KIAA1671: variants seen among roughly 807,000 people sequenced by gnomAD.
The protein encoded by KIAA1671 is uncharacterized protein KIAA1671.
A neutral mutation model predicts 131.2 loss-of-function variants in KIAA1671; 52 were observed. The ratio of observed to expected loss-of-function variants is 0.40; its 90% confidence interval spans 0.32 to 0.50. KIAA1671 has a LOEUF of 0.50. Ranked by LOEUF, KIAA1671 falls within the 20% of genes least tolerant of loss-of-function variation. The pLI is 0.73. For missense variants in KIAA1671, 2,360 were observed against 2,364.2 expected (o/e 1.00, Z 0.04); for synonymous variants, 1,003 against 961.6 (o/e 1.04, Z -0.80).
chr22:24,966,354 G>A (rs1047100259), intron 1 of KIAA1671, among the ~76,000 whole-genome samples: 1 of 152,206 alleles, frequency 6.6e-6, no homozygotes, highest in Admixed American at 6.5e-5. Flanking sequence ...TGCATTGGGT[G>A]CACCGAGGTC....
At position 25,112,025 on chromosome 22, in the gene KIAA1671, G is replaced by C. The variant is rs931702857; in HGVS notation, c.4531-58795G>C. Reference sequence around the variant, plus strand: ...AGGGATGTTTACTTACCCTTGGTTTGCCTGAAGAAAGCTGCTGTTTTTAAT... The same window carrying C: ...AGGGATGTTTACTTACCCTTGGTTTCCCTGAAGAAAGCTGCTGTTTTTAAT... On this transcript the variant is annotated intron_variant, in intron 6 of 12. Coordinates refer to ENST00000358431, the MANE Select transcript of KIAA1671 (RefSeq NM_001145206.2). The C allele has an allele frequency of 1.1e-4, 44 of 394,170 alleles. No homozygotes were observed. In the East Asian group the frequency reaches 1.5e-3, roughly 14 times the overall value. 24.4% of individuals were successfully genotyped at this position (394,170 alleles called of 1,614,324 possible).
intron 6 of KIAA1671, 60 bp from the exon 7 acceptor site, chr22:25,170,760 G>A (rs1028974370): frequency 2.5e-5 from 37 of 1,494,320 alleles, no homozygotes; most frequent in African/African-American, 5.6e-5. Flanking sequence ...TGTGTCAGCC[G>A]GGACGGGGGT....
intron 6 of KIAA1671, among the ~76,000 whole-genome samples, chr22:25,170,352 G>A (rs1391919665): frequency 6.6e-6 from 1 of 152,232 alleles, no homozygotes; most frequent in African/African-American, 2.4e-5. Flanking sequence ...CCTGTCCCAA[G>A]TTCGGTGCTC....
intron 1 of KIAA1671, among the ~76,000 whole-genome samples, chr22:24,988,769 T>C (rs1009834891): frequency 6.7e-6 from 1 of 148,556 alleles, no homozygotes; most frequent in Non-Finnish European, 1.5e-5. Context: ...GTTTGGGTGG[T>C]TTATCTCATC....
Position 25,122,132 on chromosome 22 carries a change from C to T in KIAA1671, c.4531-48688C>T, listed in dbSNP as rs141323274. ...ACAATTGCAGTATGTGGAACTGCAG[C>T]ACAACGCTTGGTGCATAATAGTGAG... On this transcript the variant is annotated intron_variant, in intron 6 of 12. Transcript: ENST00000358431. Among the ~76,000 whole-genome samples, 145 of 152,276 alleles carry T rather than the reference C, an allele frequency of 9.5e-4. No homozygotes were observed. In the East Asian group the frequency reaches 0.026, roughly 28 times the overall value.
chr22:25,098,495 T>C (rs1930497182), intron 6 of KIAA1671, among the ~76,000 whole-genome samples: 2 of 152,004 alleles, frequency 1.3e-5, no homozygotes, highest in Non-Finnish European at 2.9e-5. Context: ...TAATTGTAAT[T>C]ATTAAAGTGT....
Position 24,993,926 on chromosome 22 carries a change from A to G in KIAA1671, c.-207-31707A>G. Among the ~76,000 whole-genome samples the G allele has an allele frequency of 1.3e-5, 2 of 151,944 alleles. 1 individual carries two copies. Among genetic ancestry groups the G allele is most frequent in the East Asian group, 3.9e-4 (2 of 5,170 alleles). On this transcript the variant is annotated intron_variant, in intron 1 of 12. Coordinates refer to ENST00000358431, the MANE Select transcript of KIAA1671 (RefSeq NM_001145206.2). The stretch of plus-strand genomic sequence containing the variant: ...AAACCCTGTCTCTGCTACAAATACA[A>G]AAAAATTAGCCGGGCATGGTAGAGG...
chr22:25,025,589 T>A (rs1925906469), intron 1 of KIAA1671, 44 bp from the exon 2 acceptor site: 1 of 152,264 alleles, frequency 6.6e-6, no homozygotes, highest in African/African-American at 2.4e-5. Flanking sequence ...GTTCCCATAC[T>A]GCCAGAACTC....
intron 1 of KIAA1671, among the ~76,000 whole-genome samples, chr22:25,008,194 T>C (rs1924850281): frequency 2.4e-5 from 1 of 41,478 alleles, no homozygotes. Flanking sequence ...TGAGACTCCG[T>C]CGCAAAAAAA....
At chr22:25,135,461 C>T (rs1225773090) in intron 6 of KIAA1671, among the ~76,000 whole-genome samples, 1 of 152,200 alleles carries the variant, frequency 6.6e-6, no homozygotes, top group Non-Finnish European at 1.5e-5. Flanking sequence ...GCTGGGATTA[C>T]AGGCATGAGC....
At chr22:25,131,373 C>A (rs1042898776) in intron 6 of KIAA1671, among the ~76,000 whole-genome samples, 1 of 152,224 alleles carries the variant, frequency 6.6e-6, no homozygotes, top group African/African-American at 2.4e-5. Context: ...ACCTCTTCAG[C>A]TCACAGGTAG....
chr22:25,015,906 C>G (rs982364366), intron 1 of KIAA1671, among the ~76,000 whole-genome samples: 1 of 152,196 alleles, frequency 6.6e-6, no homozygotes, highest in African/African-American at 2.4e-5. Flanking sequence ...AGTACACACT[C>G]CGTACGAAAA....
At position 25,172,776 on chromosome 22, in the gene KIAA1671, A is replaced by G. The variant is rs375188475; in HGVS notation, c.4650-1464A>G. On this transcript the variant is annotated intron_variant, in intron 7 of 12. Transcript: ENST00000358431. ...AAGTGATACCTGATTATATTATCAT[A>G]GGAAGAGATTTCAGAAGTAGGAGAG... Among the ~76,000 whole-genome samples, 214 of 152,340 alleles carry G rather than the reference A, an allele frequency of 1.4e-3. 1 individual carries two copies. Among genetic ancestry groups the G allele is most frequent in the Middle Eastern group, 6.8e-3 (2 of 294 alleles).
rs564423244 is a variant in KIAA1671 at position 25,163,107 on chromosome 22, C to T, written c.4531-7713C>T. Among the ~76,000 whole-genome samples, 10 of 152,102 alleles carry T rather than the reference C, an allele frequency of 6.6e-5. No individual in the cohort carries two copies. In the South Asian group the frequency reaches 1.0e-3, roughly 16 times the overall value. ...CTTTGGGAGGCAGAGGCAGGTAGAT[C>T]GCTTGAGCCCAGGAATTCAAGACCA... On this transcript the variant is annotated intron_variant, in intron 6 of 12. Coordinates refer to ENST00000358431, the MANE Select transcript of KIAA1671 (RefSeq NM_001145206.2).
At chr22:25,064,787 A>C (rs1053814786) in intron 6 of KIAA1671, 1 of 152,274 alleles carries the variant, frequency 6.6e-6, no homozygotes, top group African/African-American at 2.4e-5. Flanking sequence ...CATTGTGAGC[A>C]AGACTGGTGC....
At position 25,041,097 on chromosome 22, in the gene KIAA1671, G is replaced by A. The variant is rs1926900738; in HGVS notation, c.3967G>A (p.Gly1323Arg). 1.3e-6 allele frequency: 2 copies of A among 1,544,276 alleles called. No homozygotes were observed. The highest frequency in any genetic ancestry group is 2.0e-5 in the Admixed American group (1 of 50,012). Residue 1323 changes from glycine (G) to arginine (R), a missense_variant, in exon 5 of 13, where the codon GGG becomes AGG. Transcript: ENST00000358431. ...ACCTGCGGATCCCAGGAAAAAAACG[G>A]GGTTTGCTGAGGATGACAGAAAGGC... Reference protein sequence around the residue: ...PIPADPRKKTGFAEDDRKAFA... With the variant: ...PIPADPRKKTRFAEDDRKAFA...
At position 25,109,794 on chromosome 22, in the gene KIAA1671, C is replaced by T. The variant is rs148736103; in HGVS notation, c.4530+60430C>T. On this transcript the variant is annotated intron_variant, in intron 6 of 12. Coordinates refer to ENST00000358431, the MANE Select transcript of KIAA1671 (RefSeq NM_001145206.2). ...GCAGTGCCTGGCTCAGAGTAGGCAC[C>T]CTCTGAATCTTTATTAAATGAATGA... Among the ~76,000 whole-genome samples the T allele has an allele frequency of 1.2e-4, 18 of 152,210 alleles. No homozygotes were observed. In the East Asian group the frequency reaches 2.7e-3, roughly 23 times the overall value.
chr22:25,108,118 TC>T (rs1256931502), intron 6 of KIAA1671, among the ~76,000 whole-genome samples: 1 of 152,226 alleles, frequency 6.6e-6, no homozygotes, highest in African/African-American at 2.4e-5. Flanking sequence ...TTAAATTTCT[TC>T]CAGGAAATAT....
chr22:25,058,266 A>AT, intron 6 of KIAA1671: 1 of 152,212 alleles, frequency 6.6e-6, no homozygotes, highest in Non-Finnish European at 1.5e-5. Context: ...GAGAGTCCCC[A>AT]TACACCCACA....
Sources: allele counts gnomAD v4.1 joint callset (sites outside exome capture counted in the v4.1 genomes callset), GRCh38; gene constraint gnomAD v4.1.1; transcripts MANE v1.5; gene names NCBI Gene and HGNC (gene_info 2026-07-23, HGNC 2026-07-21).